Variants in SNX14 observed in about 807,000 individuals in gnomAD.
SNX14 encodes sorting nexin 14, also known as sorting nexin-14.
SNX14 carries 93 observed loss-of-function variants against 133.8 expected under a neutral mutation model. The observed-to-expected ratio is 0.70, with a 90% confidence interval of 0.59 to 0.83. SNX14 has a LOEUF of 0.83. Ranked by LOEUF, SNX14 falls within the 40% of genes least tolerant of loss-of-function variation. The pLI, the probability that SNX14 is intolerant of heterozygous loss-of-function variation, is 0.00. For synonymous variants in SNX14, 368 were observed against 365.6 expected, an observed-to-expected ratio of 1.01 and a Z score of -0.07; for missense variants, 945 against 1,094.9, an observed-to-expected ratio of 0.86 and a Z score of 1.93.
At chr6:85,522,238 C>T (rs1011741888) in intron 21 of SNX14, among the ~76,000 whole-genome samples, 2 of 152,152 alleles carry the variant, frequency 1.3e-5, no homozygotes, top group African/African-American at 4.8e-5. Flanking sequence ...TGTCCACAGA[C>T]GTATAGATCA....
At chr6:85,586,173 AG>A (rs1393502028) in intron 1 of SNX14, among the ~76,000 whole-genome samples, 1 of 152,180 alleles carries the variant, frequency 6.6e-6, no homozygotes, top group African/African-American at 2.4e-5. Flanking sequence ...AATGGTGAGG[AG>A]GGATCTTCCA....
intron 6 of SNX14, among the ~76,000 whole-genome samples, chr6:85,559,511 T>C (rs1790847572): frequency 6.6e-6 from 1 of 152,200 alleles, no homozygotes. Flanking sequence ...TTTGTTTTCA[T>C]TATTCCCAAA....
chr6:85,546,300 A>G (rs1785464106), intron 12 of SNX14, among the ~76,000 whole-genome samples: 1 of 152,244 alleles, frequency 6.6e-6, no homozygotes, highest in African/African-American at 2.4e-5. Flanking sequence ...TTTAAATTCC[A>G]TGTGTTTCAC....
chr6:85,529,495 G>C (rs28650110), intron 19 of SNX14, among the ~76,000 whole-genome samples: 1 of 152,188 alleles, frequency 6.6e-6, no homozygotes, highest in African/African-American at 2.4e-5. Flanking sequence ...GAGATAAATT[G>C]TCTTCTCTCA....
chr6:85,506,475 C>A (rs1036932538), intron 28 of SNX14, among the ~76,000 whole-genome samples: 3 of 152,118 alleles, frequency 2.0e-5, no homozygotes, highest in African/African-American at 7.2e-5. Context: ...TGCCACCAAA[C>A]CGAGATAACT....
chr6:85,530,049 C>T (rs958704361), intron 19 of SNX14, 143 bp downstream of exon 19: 13 of 513,788 alleles, frequency 2.5e-5, no homozygotes, highest in Admixed American at 2.5e-4. Context: ...AGTACATTTC[C>T]GTTATCAATG....
intron 23 of SNX14, among the ~76,000 whole-genome samples, chr6:85,517,095 G>A (rs1775294323): frequency 6.6e-6 from 1 of 152,046 alleles, no homozygotes; most frequent in Non-Finnish European, 1.5e-5. Context: ...CAATATAAAA[G>A]AATTACCAGA....
intron 1 of SNX14, among the ~76,000 whole-genome samples, chr6:85,591,173 G>A (rs186925440): frequency 6.6e-6 from 1 of 151,866 alleles, no homozygotes; most frequent in African/African-American, 2.4e-5. Flanking sequence ...ATCTCAGAAG[G>A]GCCCATGTTT....
intron 2 of SNX14, 21 bp from the exon 3 acceptor site, chr6:85,572,395 G>A: frequency 1.3e-6 from 2 of 1,558,156 alleles, no homozygotes; most frequent in Non-Finnish European, 1.8e-6. Flanking sequence ...AAAATGAGAG[G>A]TGGTGGGGAG....
chr6:85,534,587 G>A (rs1369160433), intron 17 of SNX14, among the ~76,000 whole-genome samples: 1 of 151,824 alleles, frequency 6.6e-6, no homozygotes, highest in Non-Finnish European at 1.5e-5. Flanking sequence ...TTCTTCCTTG[G>A]GTCACTATAA....
Position 85,505,812 on chromosome 6 carries a change from TAA to T in SNX14, c.*153_*154del, listed in dbSNP as rs1283787955. The T allele has an allele frequency of 1.1e-5, 7 of 620,128 alleles. No individual in the cohort carries two copies. The highest frequency in any genetic ancestry group is 2.9e-5 in the East Asian group (1 of 34,102). The allele number at this position is 620,128 out of a possible 1,614,324, so 38.4% of individuals were successfully genotyped here. On this transcript the variant is annotated 3_prime_UTR_variant, in exon 29 of 29. Coordinates refer to ENST00000314673, the MANE Select transcript of SNX14 (RefSeq NM_153816.6). ...ATGAGACTCAATCACTTTTAATCAT[TAA>T]GTTTGTGTTAGTCTTTATTAAAAAC...
Position 85,518,010 on chromosome 6 carries a change from C to A in SNX14, c.2146G>T (p.Glu716Ter). Residue 716 changes from glutamate (E) to a stop codon, truncating the protein, a stop_gained and splice_region_variant, in exon 22 of 29, where the codon GAG (glutamate) becomes TAG (stop). Coordinates refer to ENST00000314673, the MANE Select transcript of SNX14 (RefSeq NM_153816.6). LOFTEE classifies it high-confidence loss of function. ...ACACACATAAATCAGTTACTCACCT[C>A]TTTCATTAGTTTTCCAGGAACAGAT... is the stretch of plus-strand genomic sequence containing the variant. Reference protein sequence around the residue: ...IKSVPGKLMKEKGQHLEPFIM... With the variant: ...IKSVPGKLMK 6.2e-7 allele frequency: 1 copy of A among 1,603,158 alleles called. No homozygotes were observed.
intron 6 of SNX14, among the ~76,000 whole-genome samples, chr6:85,563,540 C>T (rs1336600399): frequency 6.6e-6 from 1 of 151,936 alleles, no homozygotes; most frequent in Non-Finnish European, 1.5e-5. Flanking sequence ...TACAGATGCC[C>T]GCCCCCATGC....
intron 27 of SNX14, 26 bp downstream of exon 27, chr6:85,507,942 A>G: frequency 6.3e-7 from 1 of 1,593,852 alleles, no homozygotes; most frequent in Non-Finnish European, 8.6e-7. Flanking sequence ...AGCCAGCATG[A>G]GTTTACGAGC....
intron 21 of SNX14, among the ~76,000 whole-genome samples, chr6:85,523,679 T>C (rs9450290): frequency 0.74 from 112,358 of 152,002 alleles, 42,848 homozygotes; most frequent in African/African-American, 0.92. Context: ...GTGGGAGGAA[T>C]GCCTGAGCCC....
intron 4 of SNX14, among the ~76,000 whole-genome samples, chr6:85,568,803 G>T (rs1794714414): frequency 6.6e-6 from 1 of 152,092 alleles, no homozygotes; most frequent in South Asian, 2.1e-4. Flanking sequence ...TTGTTTATAT[G>T]TGTTGGGAAA....
At position 85,505,869 on chromosome 6, in the gene SNX14, G is replaced by A. The variant is rs935438186; in HGVS notation, c.*98C>T. 23 of 769,788 alleles carry A rather than the reference G, an allele frequency of 3.0e-5. No individual in the cohort carries two copies. Among genetic ancestry groups the A allele is most frequent in the Non-Finnish European group, 5.1e-5 (23 of 450,004 alleles). 47.7% of individuals were successfully genotyped at this position (769,788 alleles called of 1,614,324 possible). A position where few individuals can be genotyped will look rare whatever the true frequency, so the allele number is the denominator to read the frequency against. On this transcript the variant is annotated 3_prime_UTR_variant, in exon 29 of 29. Transcript: ENST00000314673. ...AATAACTAAAATTTCAGACAGCGAT[G>A]TACATAATATATATAAGAATATACC...
At chr6:85,573,310 T>C (rs978245844) in intron 2 of SNX14, among the ~76,000 whole-genome samples, 12 of 152,072 alleles carry the variant, frequency 7.9e-5, no homozygotes, top group African/African-American at 2.7e-4. Flanking sequence ...CAAAACCCCG[T>C]CTCTACTAAA....
intron 8 of SNX14, among the ~76,000 whole-genome samples, chr6:85,549,446 G>C (rs1003423483): frequency 6.6e-6 from 1 of 151,880 alleles, no homozygotes; most frequent in African/African-American, 2.4e-5. Context: ...AAATATAATG[G>C]CATAAAAAAT....
Sources: gnomAD v4.1 joint callset for allele counts (sites outside exome capture counted in the v4.1 genomes callset) on GRCh38, gnomAD v4.1.1 for gene constraint, MANE v1.5 for transcripts, NCBI Gene and HGNC (gene_info 2026-07-23, HGNC 2026-07-21) for gene names.